C1orf105: variants seen among roughly 807,000 people sequenced by gnomAD.
C1orf105 encodes uncharacterized protein C1orf105.
In C1orf105, 17 loss-of-function variants were observed where a neutral mutation model predicts 20.8. That is an observed-to-expected ratio of 0.82 (90% confidence interval 0.56 to 1.23). The LOEUF is 1.23. Among genes scored for constraint, C1orf105 ranks in the 50% most tolerant of loss-of-function variants. C1orf105 has a pLI of 0.00. For missense variants in C1orf105, 219 were observed against 213.5 expected, an observed-to-expected ratio of 1.03 and a Z score of -0.16; for synonymous variants, 72 against 72.1, an observed-to-expected ratio of 1.00 and a Z score of 0.01.
At chr1:172,457,332 TG>T (rs1649352149) in intron 4 of C1orf105, among the ~76,000 whole-genome samples, 1 of 152,016 alleles carries the variant, frequency 6.6e-6, no homozygotes, top group African/African-American at 2.4e-5. Flanking sequence ...GGGAGGAAGG[TG>T]GGGCTAAATG....
At chr1:172,460,540 A>G (rs1001816281) in intron 4 of C1orf105, among the ~76,000 whole-genome samples, 4 of 152,222 alleles carry the variant, frequency 2.6e-5, no homozygotes, top group Admixed American at 2.6e-4. Flanking sequence ...ATCAAGCTAG[A>G]CAACTGTAAA....
intron 1 of C1orf105, among the ~76,000 whole-genome samples, chr1:172,421,831 G>C (rs985625195): frequency 6.6e-6 from 1 of 152,068 alleles, no homozygotes; most frequent in East Asian, 1.9e-4. Context: ...TGTGGAGAGA[G>C]AATCTGTGCA....
intron 6 of C1orf105, 91 bp downstream of exon 6, chr1:172,465,454 T>C (rs1285679276): frequency 2.0e-6 from 2 of 981,646 alleles, no homozygotes; most frequent in East Asian, 2.4e-5. Context: ...AATTTCTAAA[T>C]TTCCTGAGCA....
chr1:172,458,539 A>G (rs1649476183), intron 4 of C1orf105, among the ~76,000 whole-genome samples: 1 of 152,232 alleles, frequency 6.6e-6, no homozygotes, highest in South Asian at 2.1e-4. Flanking sequence ...CATTGTGGAA[A>G]GAAAATTTAA....
chr1:172,455,953 T>C (rs1226064862), intron 3 of C1orf105, among the ~76,000 whole-genome samples: 1 of 152,096 alleles, frequency 6.6e-6, no homozygotes, highest in Non-Finnish European at 1.5e-5. Context: ...GAAAAAAAGA[T>C]TTGCAGAAGA....
At chr1:172,427,776 T>C (rs1178887619) in intron 1 of C1orf105, among the ~76,000 whole-genome samples, 2 of 152,208 alleles carry the variant, frequency 1.3e-5, no homozygotes, top group African/African-American at 4.8e-5. Context: ...TGCTTCTTCT[T>C]CGCCTCAACA....
chr1:172,448,321 A>C, intron 2 of C1orf105, 120 bp from the exon 3 acceptor site: 1 of 686,844 alleles, frequency 1.5e-6, no homozygotes. Flanking sequence ...TGAGTGCTCC[A>C]GAACTGGAGT....
intron 6 of C1orf105, among the ~76,000 whole-genome samples, chr1:172,466,732 T>C (rs567150419): frequency 4.1e-4 from 63 of 152,328 alleles, no homozygotes; most frequent in African/African-American, 1.5e-3. Flanking sequence ...ATACTTCAAT[T>C]AGCAATTTAA....
chr1:172,423,518 CGAA>C (rs1266411426), intron 1 of C1orf105, among the ~76,000 whole-genome samples: 2 of 151,992 alleles, frequency 1.3e-5, no homozygotes, highest in African/African-American at 4.8e-5. Flanking sequence ...GAAAACATTC[CGAA>C]GAAGGACAGG....
At chr1:172,440,579 T>G (rs1222196284) in intron 1 of C1orf105, among the ~76,000 whole-genome samples, 1 of 152,152 alleles carries the variant, frequency 6.6e-6, no homozygotes, top group Non-Finnish European at 1.5e-5. Flanking sequence ...TTACCTACAG[T>G]ATGGAGCCCA....
chr1:172,426,848 G>C (rs1192345097), intron 1 of C1orf105, among the ~76,000 whole-genome samples: 4 of 152,098 alleles, frequency 2.6e-5, no homozygotes, highest in Non-Finnish European at 4.4e-5. Context: ...TCATGCCCAT[G>C]CATATATACC....
intron 1 of C1orf105, chr1:172,444,007 C>T (rs1040305549): frequency 5.0e-6 from 5 of 1,000,152 alleles, no homozygotes; most frequent in Non-Finnish European, 6.0e-6. Context: ...CCTAGGGTTG[C>T]GCAGCTGGGG....
chr1:172,421,860 C>T (rs746147236), intron 1 of C1orf105, among the ~76,000 whole-genome samples: 1 of 151,746 alleles, frequency 6.6e-6, no homozygotes, highest in Non-Finnish European at 1.5e-5. Flanking sequence ...GAGGGCACAG[C>T]GATTGTGGGA....
intron 1 of C1orf105, among the ~76,000 whole-genome samples, chr1:172,439,059 A>G (rs2072132034): frequency 6.6e-6 from 1 of 152,220 alleles, no homozygotes; most frequent in Admixed American, 6.5e-5. Flanking sequence ...AAACCAAAAA[A>G]TTCATGTGAT....
intron 1 of C1orf105, among the ~76,000 whole-genome samples, chr1:172,436,608 C>G (rs2072047975): frequency 6.6e-6 from 1 of 152,194 alleles, no homozygotes; most frequent in Admixed American, 6.5e-5. Context: ...GGATTAAAGA[C>G]TCAAATGTTA....
intron 2 of C1orf105, among the ~76,000 whole-genome samples, chr1:172,447,833 C>T (rs376295923): frequency 5.3e-5 from 8 of 152,200 alleles, no homozygotes; most frequent in African/African-American, 1.9e-4. Flanking sequence ...ATTATCAGGC[C>T]CCTGCAGGCC....
At chr1:172,425,560 G>A (rs574471560) in intron 1 of C1orf105, among the ~76,000 whole-genome samples, 7 of 152,196 alleles carry the variant, frequency 4.6e-5, no homozygotes, top group African/African-American at 1.7e-4. Flanking sequence ...GGTGGCCAAA[G>A]GAGTATGCCT....
intron 1 of C1orf105, among the ~76,000 whole-genome samples, chr1:172,424,258 C>T (rs761279850): frequency 1.3e-4 from 20 of 152,230 alleles, no homozygotes; most frequent in Non-Finnish European, 2.5e-4. Context: ...TAAGGATCTG[C>T]AAGGCAGTAA....
At chr1:172,453,516 G>T (rs763267428) in intron 3 of C1orf105, among the ~76,000 whole-genome samples, 2 of 152,188 alleles carry the variant, frequency 1.3e-5, no homozygotes, top group South Asian at 2.1e-4. Flanking sequence ...TGTATTTTTC[G>T]TTTTATATAT....
Sources: allele counts gnomAD v4.1 joint callset (sites outside exome capture counted in the v4.1 genomes callset), GRCh38; gene constraint gnomAD v4.1.1; transcripts MANE v1.5; gene names NCBI Gene and HGNC (gene_info 2026-07-23, HGNC 2026-07-21).